The following CDH12 variants were observed in gnomAD, a reference collection of about 807,000 sequenced individuals.
The protein encoded by CDH12 is cadherin 12.
Under a neutral mutation model 74.1 loss-of-function variants are expected in CDH12, and 41 were observed. The ratio of observed to expected loss-of-function variants is 0.55; its 90% CI spans 0.43 to 0.72. CDH12 has a LOEUF of 0.72. Ranked by LOEUF, CDH12 falls within the 30% of genes least tolerant of loss-of-function variation. The pLI, the probability that CDH12 is intolerant of heterozygous loss-of-function variation, is 0.00. For synonymous variants in CDH12, 399 were observed against 355.0 expected (o/e 1.12, Z -1.39); for missense variants, 945 against 977.2 (o/e 0.97, Z 0.44).
intron 3 of CDH12, among the ~76,000 whole-genome samples, chr5:22,321,620 T>C (rs1738886866): frequency 6.6e-6 from 1 of 151,014 alleles, no homozygotes; most frequent in South Asian, 2.1e-4. Flanking sequence ...AATGTGCACA[T>C]GTACCCTAAA....
intron 1 of CDH12, among the ~76,000 whole-genome samples, chr5:22,782,461 G>A (rs1265859101): frequency 6.6e-6 from 1 of 152,066 alleles, no homozygotes; most frequent in Non-Finnish European, 1.5e-5. Context: ...CTGTGAAGAG[G>A]GTACTTGCTT....
intron 1 of CDH12, among the ~76,000 whole-genome samples, chr5:22,768,533 G>A (rs1208075814): frequency 6.6e-6 from 1 of 151,934 alleles, no homozygotes; most frequent in South Asian, 2.1e-4. Flanking sequence ...TGTAGAGTAA[G>A]TAAAGTTTTG....
intron 4 of CDH12, among the ~76,000 whole-genome samples, chr5:22,122,208 G>T (rs1315960308): frequency 6.6e-6 from 1 of 152,016 alleles, no homozygotes; most frequent in Non-Finnish European, 1.5e-5. Context: ...TTCAAGACCG[G>T]CCTGGCCAAC....
At chr5:22,293,209 C>G (rs1048897284) in intron 3 of CDH12, among the ~76,000 whole-genome samples, 1 of 152,178 alleles carries the variant, frequency 6.6e-6, no homozygotes, top group East Asian at 1.9e-4. Flanking sequence ...ATTGTGCGGT[C>G]TGACCCCAGC....
chr5:21,991,713 T>C (rs1431572630), intron 5 of CDH12, among the ~76,000 whole-genome samples: 6 of 151,534 alleles, frequency 4.0e-5, no homozygotes, highest in African/African-American at 1.2e-4. Context: ...TGTTAAAGCA[T>C]GAAGCTGCCT....
chr5:22,080,195 T>C (rs1742629385), intron 4 of CDH12, among the ~76,000 whole-genome samples: 1 of 152,074 alleles, frequency 6.6e-6, no homozygotes, highest in Admixed American at 6.5e-5. Context: ...ATTAAATGTC[T>C]ATAAAACATG....
intron 1 of CDH12, among the ~76,000 whole-genome samples, chr5:22,829,255 C>T (rs1472458221): frequency 1.3e-5 from 2 of 152,156 alleles, no homozygotes; most frequent in Non-Finnish European, 2.9e-5. Context: ...ACTTAGTTAA[C>T]TATCTGCAGT....
chr5:22,135,751 G>A lies in CDH12; in HGVS notation c.-186-56889C>T, dbSNP rs531793623. 2.0e-5 allele frequency among the ~76,000 whole-genome samples: 3 copies of A among 152,148 alleles called. No homozygotes were observed. The South Asian group carries it at 6.2e-4, about 32-fold the overall frequency. The stretch of plus-strand genomic sequence containing the variant: ...TCTGGGAAGCTGGAACGTCTGACTG[G>A]TGACTGATGGTGGGTAAAGTAAGTC... On this transcript the variant is annotated intron_variant, in intron 4 of 14. Coordinates refer to ENST00000382254, the MANE Select transcript of CDH12 (RefSeq NM_004061.5).
chr5:22,413,522 G>T (rs1420971145), intron 2 of CDH12, among the ~76,000 whole-genome samples: 8 of 151,960 alleles, frequency 5.3e-5, no homozygotes, highest in African/African-American at 1.7e-4. Context: ...AAGGATAGGG[G>T]TCGAAGTAAA....
chr5:22,426,320 T>G (rs1219660681), intron 2 of CDH12, among the ~76,000 whole-genome samples: 1 of 152,044 alleles, frequency 6.6e-6, no homozygotes, highest in African/African-American at 2.4e-5. Flanking sequence ...ATTTTTATAT[T>G]GTTTTATTTT....
chr5:22,742,211 GAAGAGAGAGAGA>G (rs1392954712), intron 1 of CDH12, among the ~76,000 whole-genome samples: 1 of 147,778 alleles, frequency 6.8e-6, no homozygotes, highest in Non-Finnish European at 1.5e-5. Flanking sequence ...AGAAAGAAAG[GAAGAGAGAGAGA>G]AAGAAAGAGA....
chr5:22,313,432 T>C (rs1049213856), intron 3 of CDH12, among the ~76,000 whole-genome samples: 1 of 152,170 alleles, frequency 6.6e-6, no homozygotes, highest in Non-Finnish European at 1.5e-5. Flanking sequence ...ATTTTTTGAG[T>C]AGAAGACTAA....
At chr5:21,964,449 T>C (rs1756494852) in intron 6 of CDH12, among the ~76,000 whole-genome samples, 2 of 152,024 alleles carry the variant, frequency 1.3e-5, no homozygotes, top group Non-Finnish European at 2.9e-5. Context: ...TGCAGCATTC[T>C]GCCTTTCTAG....
At position 22,853,303 on chromosome 5, in the gene CDH12, C is replaced by T. The variant is rs569247625; in HGVS notation, c.-768G>A. On this transcript the variant is annotated 5_prime_UTR_variant, in exon 1 of 15. Coordinates refer to ENST00000382254, the MANE Select transcript of CDH12 (RefSeq NM_004061.5). ...TCTCTTCTCAGAAAAGCCTGGACCC[C>T]TCTCTGTGGCTCCCTCCACATTTAC... 13 of 152,262 alleles carry T rather than the reference C, an allele frequency of 8.5e-5. No homozygotes were observed. The highest frequency in any genetic ancestry group is 3.1e-4 in the African/African-American group (13 of 41,554). 9.4% of individuals were successfully genotyped at this position (152,262 alleles called of 1,614,324 possible).
chr5:22,651,535 C>T (rs895310276), intron 1 of CDH12, among the ~76,000 whole-genome samples: 4 of 152,074 alleles, frequency 2.6e-5, no homozygotes, highest in Non-Finnish European at 4.4e-5. Flanking sequence ...AATTTACTCA[C>T]TATCATGAGA....
intron 3 of CDH12, among the ~76,000 whole-genome samples, chr5:22,299,312 C>A (rs980259559): frequency 1.3e-5 from 2 of 151,994 alleles, no homozygotes; most frequent in Non-Finnish European, 2.9e-5. Flanking sequence ...ATGTAGTGCC[C>A]TGGAAAGACC....
chr5:22,657,136 A>G (rs1561556554), intron 1 of CDH12, among the ~76,000 whole-genome samples: 2 of 152,198 alleles, frequency 1.3e-5, no homozygotes, highest in South Asian at 2.1e-4. Flanking sequence ...TTAAACTATT[A>G]AGTGAAATTG....
intron 1 of CDH12, among the ~76,000 whole-genome samples, chr5:22,836,974 T>C (rs776511831): frequency 3.3e-5 from 5 of 152,334 alleles, no homozygotes; most frequent in African/African-American, 7.2e-5. Flanking sequence ...TAAAGTCTTA[T>C]GTAGACATGA....
intron 3 of CDH12, among the ~76,000 whole-genome samples, chr5:22,382,819 CATTATT>C (rs10567578): frequency 1.3e-5 from 2 of 150,650 alleles, no homozygotes; most frequent in East Asian, 3.9e-4. Context: ...TTCATGTTAT[CATTATT>C]ATTATTATTA....
Sources: gnomAD v4.1 joint callset for allele counts (sites outside exome capture counted in the v4.1 genomes callset) on GRCh38, gnomAD v4.1.1 for gene constraint, MANE v1.5 for transcripts, NCBI Gene and HGNC (gene_info 2026-07-23, HGNC 2026-07-21) for gene names.